The following ROBO1 variants were observed in gnomAD, a reference collection of about 807,000 sequenced individuals.
ROBO1 encodes roundabout guidance receptor 1, also known as roundabout homolog 1.
In ROBO1, 149 loss-of-function variants were observed where a neutral mutation model predicts 195.9. The observed-to-expected ratio is 0.76, with a 90% CI of 0.67 to 0.87. ROBO1 has a LOEUF of 0.87. Among genes scored for constraint, ROBO1 ranks in the 40% least tolerant of loss-of-function variants. The pLI, the probability that ROBO1 is intolerant of heterozygous loss-of-function variation, is 0.00. For missense variants in ROBO1, 1,933 were observed against 2,068.3 expected (o/e 0.93, Z 1.27); for synonymous variants, 816 against 733.2 (o/e 1.11, Z -1.82).
intron 3 of ROBO1, among the ~76,000 whole-genome samples, chr3:79,113,856 G>T (rs2079939251): frequency 6.6e-6 from 1 of 152,102 alleles, no homozygotes; most frequent in Non-Finnish European, 1.5e-5. Context: ...TTGGCTTTTA[G>T]ATCTCAGATA....
intron 2 of ROBO1, among the ~76,000 whole-genome samples, chr3:79,323,088 T>TC (rs1299763748): frequency 1.3e-5 from 2 of 150,820 alleles, no homozygotes; most frequent in Non-Finnish European, 3.0e-5. Context: ...TTTCTTTCTT[T>TC]TTTTTTTTTT....
At chr3:79,709,468 G>A (rs1467825063) in intron 1 of ROBO1, among the ~76,000 whole-genome samples, 2 of 151,954 alleles carry the variant, frequency 1.3e-5, no homozygotes, top group East Asian at 3.9e-4. Flanking sequence ...AATAAATTAT[G>A]GAGAGAGAGG....
At chr3:79,445,159 T>G (rs1233835687) in intron 2 of ROBO1, among the ~76,000 whole-genome samples, 7 of 148,972 alleles carry the variant, frequency 4.7e-5, no homozygotes, top group Admixed American at 3.4e-4. Flanking sequence ...AATATCCATC[T>G]TACCTACCTA....
At position 78,790,703 on chromosome 3, in the gene ROBO1, C is replaced by T. The variant is rs146352541; in HGVS notation, c.500-43803G>A. 2.4e-3 allele frequency among the ~76,000 whole-genome samples: 369 copies of T among 152,252 alleles called. 2 individuals are homozygous for T. Among genetic ancestry groups the T allele is most frequent in the African/African-American group, 8.6e-3 (356 of 41,536 alleles). On this transcript the variant is annotated intron_variant, in intron 4 of 30. Transcript: ENST00000464233. ...GGTATTATCTCATAAAACAGAAAGT[C>T]CCAAGGTAAGGAAGCTCCAAGACTT... is the stretch of plus-strand genomic sequence containing the variant.
At chr3:79,174,574 T>C (rs1259165554) in intron 2 of ROBO1, among the ~76,000 whole-genome samples, 1 of 152,182 alleles carries the variant, frequency 6.6e-6, no homozygotes, top group Non-Finnish European at 1.5e-5. Flanking sequence ...TAGTCCGTAA[T>C]TGTCAACTAT....
At position 78,614,639 on chromosome 3, in the gene ROBO1, T is replaced by C. The variant is rs376260383; in HGVS notation, c.4435+9A>G. The C allele has an allele frequency of 1.2e-6, 2 of 1,613,154 alleles. No homozygotes were observed. Among genetic ancestry groups the C allele is most frequent in the African/African-American group, 2.7e-5 (2 of 74,886 alleles). ...TCATAGACGTTTTCATCCGTGTCAA[T>C]GGACTCACCATCTGTGTAGGTTTCT... On this transcript the variant is annotated intron_variant, in intron 28 of 30. Transcript: ENST00000464233.
At chr3:79,441,311 G>T (rs1320286612) in intron 2 of ROBO1, among the ~76,000 whole-genome samples, 4 of 152,206 alleles carry the variant, frequency 2.6e-5, no homozygotes, top group South Asian at 2.1e-4. Flanking sequence ...GTGAATGTTA[G>T]TTTCTTAGGT....
At chr3:78,661,916 ATAGT>A in intron 15 of ROBO1, 73 bp downstream of exon 15, 1 of 1,470,974 alleles carries the variant, frequency 6.8e-7, no homozygotes, top group Non-Finnish European at 9.2e-7. Flanking sequence ...TAGGCAACAG[ATAGT>A]TACATTTTAT....
chr3:79,340,698 A>G (rs559286960), intron 2 of ROBO1, among the ~76,000 whole-genome samples: 1 of 152,330 alleles, frequency 6.6e-6, no homozygotes, highest in South Asian at 2.1e-4. Context: ...AGAAATAAAA[A>G]GATTTTTGTT....
intron 2 of ROBO1, among the ~76,000 whole-genome samples, chr3:79,202,534 C>T (rs974145316): frequency 2.1e-5 from 3 of 145,284 alleles, no homozygotes; most frequent in Admixed American, 7.0e-5. Flanking sequence ...TATTAATCTA[C>T]ATAAAAAATC....
chr3:78,901,767 C>T (rs1374060007), intron 4 of ROBO1, among the ~76,000 whole-genome samples: 2 of 152,106 alleles, frequency 1.3e-5, no homozygotes, highest in African/African-American at 2.4e-5. Flanking sequence ...ACACAGTATT[C>T]CATAGGTAGA....
intron 2 of ROBO1, among the ~76,000 whole-genome samples, chr3:79,369,545 A>G (rs2036111680): frequency 6.6e-6 from 1 of 152,194 alleles, no homozygotes; most frequent in Non-Finnish European, 1.5e-5. Context: ...TCTATTTGCT[A>G]CATAGGTCTG....
At chr3:78,711,323 CTCTCCT>C (rs1333225243) in intron 8 of ROBO1, among the ~76,000 whole-genome samples, 7 of 137,306 alleles carry the variant, frequency 5.1e-5, no homozygotes, top group African/African-American at 8.4e-5. Context: ...TTCTCTCTCT[CTCTCCT>C]TCCTTCCTTC....
chr3:79,283,456 T>C (rs1013645111), intron 2 of ROBO1, among the ~76,000 whole-genome samples: 9 of 152,200 alleles, frequency 5.9e-5, no homozygotes, highest in Non-Finnish European at 1.2e-4. Context: ...CATCTCAGAG[T>C]CCTGACACTA....
intron 3 of ROBO1, among the ~76,000 whole-genome samples, chr3:78,955,600 G>A (rs568530721): frequency 5.3e-5 from 8 of 151,880 alleles, no homozygotes; most frequent in Non-Finnish European, 7.4e-5. Context: ...AATATAATTC[G>A]CCAAAAGTCA....
chr3:78,821,790 T>C (rs1378887278), intron 4 of ROBO1, among the ~76,000 whole-genome samples: 1 of 152,182 alleles, frequency 6.6e-6, no homozygotes, highest in Non-Finnish European at 1.5e-5. Flanking sequence ...CAACAAACTT[T>C]TACAGACATC....
At chr3:79,338,903 C>A (rs999160051) in intron 2 of ROBO1, among the ~76,000 whole-genome samples, 1 of 152,178 alleles carries the variant, frequency 6.6e-6, no homozygotes, top group Non-Finnish European at 1.5e-5. Flanking sequence ...TAAGCATTCT[C>A]AACCGAATAT....
intron 2 of ROBO1, among the ~76,000 whole-genome samples, chr3:79,333,228 G>C (rs11709210): frequency 0.075 from 11,119 of 148,498 alleles, 461 homozygotes; most frequent in African/African-American, 0.099. Flanking sequence ...AAACAGAAAA[G>C]AAAAAAATCA....
intron 5 of ROBO1, among the ~76,000 whole-genome samples, chr3:78,723,799 A>G (rs1295090600): frequency 6.6e-6 from 1 of 152,256 alleles, no homozygotes; most frequent in Non-Finnish European, 1.5e-5. Context: ...CCAGCTCTGG[A>G]CTAAGAATAA....
Sources: gnomAD v4.1 joint callset for allele counts (sites outside exome capture counted in the v4.1 genomes callset) on GRCh38, gnomAD v4.1.1 for gene constraint, MANE v1.5 for transcripts, NCBI Gene and HGNC (gene_info 2026-07-23, HGNC 2026-07-21) for gene names.